SLC4A5: variants seen among roughly 807,000 people sequenced by gnomAD.
SLC4A5 encodes solute carrier family 4 member 5, also known as electrogenic sodium bicarbonate cotransporter 4.
In SLC4A5, 96 loss-of-function variants were observed where a neutral mutation model predicts 120.4. The observed-to-expected ratio is 0.80, with a 90% CI of 0.68 to 0.94. SLC4A5 has a LOEUF of 0.94. Among genes scored for constraint, SLC4A5 ranks in the 40% least tolerant of loss-of-function variants. SLC4A5 has a pLI of 0.00. For missense variants in SLC4A5, 1,259 were observed against 1,459.5 expected (o/e 0.86, Z 2.24); for synonymous variants, 550 against 571.1 (o/e 0.96, Z 0.53).
chr2:74,293,418 T>C, intron 7 of SLC4A5, among the ~76,000 whole-genome samples: 1 of 152,186 alleles, frequency 6.6e-6, no homozygotes, highest in South Asian at 2.1e-4. Context: ...CCTGTGCTCC[T>C]GGCCACAATG....
intron 8 of SLC4A5, among the ~76,000 whole-genome samples, chr2:74,278,777 T>A (rs1671722130): frequency 6.6e-6 from 1 of 152,172 alleles, no homozygotes; most frequent in South Asian, 2.1e-4. Context: ...GAACACTAGA[T>A]CAGCAGAAGG....
chr2:74,300,347 C>T (rs892205830), intron 7 of SLC4A5, among the ~76,000 whole-genome samples: 1 of 152,144 alleles, frequency 6.6e-6, no homozygotes, highest in Non-Finnish European at 1.5e-5. Context: ...ACCATACACT[C>T]GCACAAAGGT....
At chr2:74,258,391 G>C (rs1671033968) in intron 12 of SLC4A5, among the ~76,000 whole-genome samples, 1 of 152,204 alleles carries the variant, frequency 6.6e-6, no homozygotes, top group Non-Finnish European at 1.5e-5. Context: ...GCACTGTCTG[G>C]TGAAAGGGAC....
chr2:74,334,380 C>G (rs1323644621), intron 3 of SLC4A5, among the ~76,000 whole-genome samples: 3 of 152,180 alleles, frequency 2.0e-5, no homozygotes, highest in Non-Finnish European at 4.4e-5. Context: ...ACCCCAGGCT[C>G]ATTCCCACCT....
At chr2:74,264,618 T>G (rs1183770811) in intron 9 of SLC4A5, among the ~76,000 whole-genome samples, 2 of 152,074 alleles carry the variant, frequency 1.3e-5, no homozygotes, top group Non-Finnish European at 2.9e-5. Flanking sequence ...ATGGTTTTAG[T>G]CCTAAAATGA....
At chr2:74,225,200 G>A (rs12476235) in intron 27 of SLC4A5, among the ~76,000 whole-genome samples, 22,339 of 152,140 alleles carry the variant, frequency 0.15, 2,159 homozygotes, top group East Asian at 0.32. Context: ...CCTCAGGTGA[G>A]TGACCATGCC....
intron 6 of SLC4A5, chr2:74,307,997 G>T: frequency 1.8e-6 from 1 of 551,034 alleles, no homozygotes; most frequent in South Asian, 1.4e-5. Flanking sequence ...TGGAACGAGT[G>T]GTGAAGCTCA....
intron 20 of SLC4A5, among the ~76,000 whole-genome samples, chr2:74,240,368 T>C (rs367864825): frequency 2.0e-5 from 3 of 152,196 alleles, no homozygotes; most frequent in South Asian, 2.1e-4. Context: ...ATTTAATGCA[T>C]GGTACATTCT....
At chr2:74,227,471 G>T in intron 26 of SLC4A5, 1 of 1,586,352 alleles carries the variant, frequency 6.3e-7, no homozygotes. Context: ...GTTTTCTTCT[G>T]CATAGCTGCC....
At chr2:74,251,733 G>T (rs1037870625) in intron 16 of SLC4A5, among the ~76,000 whole-genome samples, 13 of 152,332 alleles carry the variant, frequency 8.5e-5, no homozygotes, top group Admixed American at 8.5e-4. Flanking sequence ...GCGGCTGCCA[G>T]CCAGGAACAC....
chr2:74,285,105 T>C (rs1671939971), intron 8 of SLC4A5, among the ~76,000 whole-genome samples: 1 of 152,158 alleles, frequency 6.6e-6, no homozygotes, highest in South Asian at 2.1e-4. Context: ...ATTAGCTGGA[T>C]GCAGTGGCAT....
exon 10 of SLC4A5, chr2:74,264,171 T>C: frequency 6.2e-7 from 1 of 1,614,074 alleles, no homozygotes; most frequent in East Asian, 2.2e-5. Flanking sequence ...GACTTCCCAA[T>C]GTCAGCTAAG....
At chr2:74,337,455 T>C (rs1217987544) in intron 3 of SLC4A5, among the ~76,000 whole-genome samples, 2 of 152,178 alleles carry the variant, frequency 1.3e-5, no homozygotes, top group Non-Finnish European at 2.9e-5. Flanking sequence ...CAGAACTGAC[T>C]GGGATTAAGG....
chr2:74,287,880 G>C (rs1395879031), intron 7 of SLC4A5, among the ~76,000 whole-genome samples: 1 of 151,984 alleles, frequency 6.6e-6, no homozygotes. Context: ...CAGGTTCCCT[G>C]ACCCTGCCTG....
chr2:74,286,249 G>A (rs1317187762), intron 7 of SLC4A5, among the ~76,000 whole-genome samples: 6 of 152,162 alleles, frequency 3.9e-5, no homozygotes, highest in Non-Finnish European at 8.8e-5. Context: ...CTTACCACCC[G>A]AGGGGGTTCT....
At chr2:74,280,691 T>TC (rs1257904570) in intron 8 of SLC4A5, among the ~76,000 whole-genome samples, 1 of 152,014 alleles carries the variant, frequency 6.6e-6, no homozygotes, top group African/African-American at 2.4e-5. Flanking sequence ...CAGGATTTTT[T>TC]TTTTTTTTTT....
intron 7 of SLC4A5, among the ~76,000 whole-genome samples, chr2:74,302,477 C>T (rs1043561776): frequency 1.3e-5 from 2 of 152,030 alleles, no homozygotes; most frequent in Non-Finnish European, 1.5e-5. Context: ...ATTAGCTGGG[C>T]GTGGTGGTAC....
chr2:74,256,375 G>C lies in SLC4A5; in HGVS notation c.868-443C>G, dbSNP rs141419070. ...CTGTGGGGAGGAGGAGGCCTGTTCT[G>C]ATGGTCAGAGTAAACAGGCCTTATT... is the stretch of plus-strand genomic sequence containing the variant. On this transcript the variant is annotated intron_variant, in intron 12 of 30. Transcript: ENST00000394019. 6.1e-3 allele frequency among the ~76,000 whole-genome samples: 922 copies of C among 152,314 alleles called. 8 individuals are homozygous for C. The highest frequency in any genetic ancestry group is 0.021 in the African/African-American group (865 of 41,552).
chr2:74,305,684 A>T (rs1357138244), intron 6 of SLC4A5, among the ~76,000 whole-genome samples: 3 of 146,204 alleles, frequency 2.1e-5, no homozygotes, highest in Non-Finnish European at 4.5e-5. Context: ...TCACCTCTTC[A>T]TCCCACCCCT....
Sources: allele counts gnomAD v4.1 joint callset (sites outside exome capture counted in the v4.1 genomes callset), GRCh38; gene constraint gnomAD v4.1.1; transcripts MANE v1.5; gene names NCBI Gene and HGNC (gene_info 2026-07-23, HGNC 2026-07-21).